ZSWIM4: variants seen among roughly 807,000 people sequenced by gnomAD.
The protein encoded by ZSWIM4 is zinc finger SWIM-type containing 4.
A neutral mutation model predicts 102.5 loss-of-function variants in ZSWIM4; 62 were observed. The ratio of observed to expected loss-of-function variants is 0.60; its 90% CI spans 0.49 to 0.75. The LOEUF is 0.75. Ranked by LOEUF, ZSWIM4 falls within the 30% of genes least tolerant of loss-of-function variation. The pLI is 0.00. For synonymous variants in ZSWIM4, 652 were observed against 674.5 expected (o/e 0.97, Z 0.52); for missense variants, 1,280 against 1,529.6 (o/e 0.84, Z 2.72).
chr19:13,801,643 T>G (rs999549319), intron 2 of ZSWIM4, among the ~76,000 whole-genome samples: 1 of 150,414 alleles, frequency 6.6e-6, no homozygotes, highest in Non-Finnish European at 1.5e-5. Context: ...AGGGCTGAGG[T>G]GGGAATGTAG....
chr19:13,821,026 G>A (rs1975448158), intron 10 of ZSWIM4, among the ~76,000 whole-genome samples: 1 of 152,136 alleles, frequency 6.6e-6, no homozygotes, highest in Non-Finnish European at 1.5e-5. Flanking sequence ...GCTCATGCCT[G>A]TAATCCCAGC....
Position 13,817,202 on chromosome 19 carries a change from C to A in ZSWIM4, c.1532-14C>A. 1 of 1,604,306 alleles carries A rather than the reference C, an allele frequency of 6.2e-7. No individual in the cohort carries two copies. The highest frequency in any genetic ancestry group is 1.3e-5 in the African/African-American group (1 of 74,886). On this transcript the variant is annotated splice_polypyrimidine_tract_variant and intron_variant, in intron 7 of 13. Coordinates refer to ENST00000590508, the MANE Select transcript of ZSWIM4 (RefSeq NM_001367834.3). ...CAGGTGTGTGGGCATTGAGCCCCCTCTTTCCACCTGCAGAGCTGCTCCAGA... is the reference window on the plus strand; with the variant it reads ...CAGGTGTGTGGGCATTGAGCCCCCTATTTCCACCTGCAGAGCTGCTCCAGA...
intron 5 of ZSWIM4, among the ~76,000 whole-genome samples, chr19:13,810,402 C>T (rs1223850151): frequency 6.6e-6 from 1 of 151,870 alleles, no homozygotes. Context: ...AAATGATTCT[C>T]CTGCCTTAGC....
rs1211961467 is a variant in ZSWIM4, at chr19:13,825,579, G to C, written c.2245G>C (p.Gly749Arg). 6 of 1,614,026 alleles carry C rather than the reference G, an allele frequency of 3.7e-6. No individual in the cohort carries two copies. The highest frequency in any genetic ancestry group is 5.1e-6 in the Non-Finnish European group (6 of 1,180,030). Residue 749 changes from glycine to arginine, a missense_variant, in exon 12 of 14, where the codon GGC becomes CGC. Transcript: ENST00000590508. The surrounding 1 kb of genome is among the most constrained non-coding windows in gnomAD (Gnocchi z 4.6). ...CCCCAAGTGGCTGCACACGGTACTGGGCTCCATCCAGCAGAACATCCACTC... is the reference window on the plus strand; with the variant it reads ...CCCCAAGTGGCTGCACACGGTACTGCGCTCCATCCAGCAGAACATCCACTC... Reference protein sequence around the residue: ...GDPKWLHTVLGSIQQNIHSPA... With the variant: ...GDPKWLHTVLRSIQQNIHSPA...
chr19:13,830,762 C>T lies in ZSWIM4; in HGVS notation c.3033C>T (p.Gly1011=). 1.2e-6 allele frequency: 2 copies of T among 1,607,398 alleles called. No individual in the cohort carries two copies. The highest frequency in any genetic ancestry group is 1.7e-6 in the Non-Finnish European group (2 of 1,177,084). ...RRWTLSAPGL[G]PLGARRAAKP... is the part of the protein sequence containing the mutation. Reference sequence around the variant, plus strand: ...GGACTCTCTCGGCGCCCGGTCTGGGCCCCTTAGGGGCACGCCGGGCCGCCA... The same window carrying T: ...GGACTCTCTCGGCGCCCGGTCTGGGTCCCTTAGGGGCACGCCGGGCCGCCA... The change falls in exon 14 of 14, where the codon GGC becomes GGT. Residue 1011 remains glycine, a synonymous_variant. Transcript: ENST00000590508.
At chr19:13,808,586 A>C (rs1196738493) in intron 3 of ZSWIM4, among the ~76,000 whole-genome samples, 4 of 152,058 alleles carry the variant, frequency 2.6e-5, no homozygotes, top group Admixed American at 6.6e-5. Context: ...AAATACAAAA[A>C]AAATTGGCAA....
chr19:13,807,774 G>C (rs1368370756), intron 3 of ZSWIM4, among the ~76,000 whole-genome samples: 1 of 149,768 alleles, frequency 6.7e-6, no homozygotes, highest in African/African-American at 2.5e-5. Flanking sequence ...TGGATGGATG[G>C]ATGGATGGAT....
intron 11 of ZSWIM4, among the ~76,000 whole-genome samples, chr19:13,823,859 A>G (rs909627444): frequency 6.6e-6 from 1 of 152,218 alleles, no homozygotes; most frequent in African/African-American, 2.4e-5. Flanking sequence ...TGCTGTAACA[A>G]AACACCAGAG....
At chr19:13,812,431 C>T (rs1299559250) in intron 5 of ZSWIM4, among the ~76,000 whole-genome samples, 1 of 149,684 alleles carries the variant, frequency 6.7e-6, no homozygotes, top group East Asian at 2.0e-4. Context: ...GTAGCTAGGA[C>T]TACAGAGGCC....
At chr19:13,824,440 T>C (rs1011909548) in intron 11 of ZSWIM4, among the ~76,000 whole-genome samples, 4 of 151,692 alleles carry the variant, frequency 2.6e-5, no homozygotes, top group Non-Finnish European at 4.4e-5. Context: ...CTACTAAAAA[T>C]GCAAAAATTA....
rs1250829670 is a variant in ZSWIM4 at position 13,809,072 on chromosome 19, G to C, written c.864G>C (p.Val288=). 6.2e-7 allele frequency: 1 copy of C among 1,612,530 alleles called. No individual in the cohort carries two copies. Among genetic ancestry groups the C allele is most frequent in the East Asian group, 2.2e-5 (1 of 44,842 alleles). Residue 288 remains valine (V), a splice_region_variant and synonymous_variant, in exon 5 of 14, where the codon GTG becomes GTC. Coordinates refer to ENST00000590508, the MANE Select transcript of ZSWIM4 (RefSeq NM_001367834.3). The surrounding 1 kb of genome is among the most constrained non-coding windows in gnomAD (Gnocchi z 4.2). ...TCACCACCCTGTCCCCGGCACAGGT[G>C]CGGGAGATGCTGCGAATGCGGGACT... ...SQQLRSMFSK[V]REMLRMRDSN...
chr19:13,809,144 G>T lies in ZSWIM4; in HGVS notation c.936G>T (p.Gln312His), dbSNP rs1164336270. The T allele has an allele frequency of 6.2e-7, 1 of 1,613,798 alleles. No homozygotes were observed. The change falls in exon 5 of 14, where the codon CAG becomes CAT. Residue 312 changes from glutamine (Q) to histidine (H), a missense_variant. Coordinates refer to ENST00000590508, the MANE Select transcript of ZSWIM4 (RefSeq NM_001367834.3). The surrounding 1 kb of genome is among the most constrained non-coding windows in gnomAD (Gnocchi z 4.2). ...MLILMTEQFL[Q>H]DTRLALWRQQ... ...TTCTCATGACCGAGCAGTTCCTGCA[G>T]GACACGCGCCTGGCCCTGTGGCGGC...
In ZSWIM4 at chr19:13,825,654, C is replaced by T. The variant is rs776218654; in HGVS notation, c.2320C>T (p.Pro774Ser). Reference protein sequence around the residue: ...LAQDACKTATPVSAPPDTTLL... With the variant: ...LAQDACKTATSVSAPPDTTLL... ...GCAGGACGCCTGCAAGACAGCCACC[C>T]CGGTCAGCGCCCCACCAGACACCAC... Residue 774 changes from proline to serine, a missense_variant, in exon 12 of 14, where the codon CCG becomes TCG. Physicochemically the swap from Pro to Ser is moderately conservative, Grantham distance 74. Coordinates refer to ENST00000590508, the MANE Select transcript of ZSWIM4 (RefSeq NM_001367834.3). This position sits in a 1 kb window ranked among gnomAD's most constrained non-coding sequence, Gnocchi z 4.6. 2.5e-6 allele frequency: 4 copies of T among 1,613,580 alleles called. No individual in the cohort carries two copies. The highest frequency in any genetic ancestry group is 3.4e-6 in the Non-Finnish European group (4 of 1,180,024).
Position 13,825,852 on chromosome 19 carries a change from G to A in ZSWIM4, c.2379+139G>A. 5 of 1,216,262 alleles carry A rather than the reference G, an allele frequency of 4.1e-6. No individual in the cohort carries two copies. The highest frequency in any genetic ancestry group is 5.6e-6 in the Non-Finnish European group (5 of 892,962). 75.3% of individuals were successfully genotyped at this position (1,216,262 alleles called of 1,614,324 possible). On this transcript the variant is annotated intron_variant, in intron 12 of 13. Coordinates refer to ENST00000590508, the MANE Select transcript of ZSWIM4 (RefSeq NM_001367834.3). The surrounding 1 kb of genome is among the most constrained non-coding windows in gnomAD (Gnocchi z 4.6). ...GCATTTGCGTGAGCTATTCCTCTGT[G>A]GCTGGGGACTGAGCGAGAACCACTC...
intron 3 of ZSWIM4, 94 bp from the exon 4 acceptor site, chr19:13,808,740 CAA>C (rs755959483): frequency 0.1 from 82,335 of 795,052 alleles, 67 homozygotes; most frequent in South Asian, 0.12. Context: ...ACTCCGTCTC[CAA>C]AAAAAAAAAA....
intron 2 of ZSWIM4, among the ~76,000 whole-genome samples, chr19:13,801,579 G>A (rs892624528): frequency 6.6e-6 from 1 of 152,158 alleles, no homozygotes; most frequent in African/African-American, 2.4e-5. Context: ...AGAGAGGCTG[G>A]GATTTCAAAG....
intron 3 of ZSWIM4, 21 bp downstream of exon 3, chr19:13,805,169 C>G: frequency 1.3e-6 from 2 of 1,580,722 alleles, no homozygotes; most frequent in East Asian, 2.2e-5. Flanking sequence ...CCCGGGGGTC[C>G]GGTGGGGAGA....
intron 5 of ZSWIM4, among the ~76,000 whole-genome samples, chr19:13,812,623 CTTT>C (rs545020943): frequency 2.3e-5 from 3 of 130,372 alleles, no homozygotes; most frequent in Non-Finnish European, 1.7e-5. Context: ...TCATGCCTGG[CTTT>C]TTTTTTTTTT....
intron 7 of ZSWIM4, among the ~76,000 whole-genome samples, chr19:13,816,550 C>T (rs781366081): frequency 6.6e-6 from 1 of 152,040 alleles, no homozygotes; most frequent in Non-Finnish European, 1.5e-5. Flanking sequence ...TCCCTTGAAC[C>T]GGGAGGTACC....
Sources: gnomAD v4.1 joint callset for allele counts (sites outside exome capture counted in the v4.1 genomes callset) on GRCh38, gnomAD v4.1.1 for gene constraint, Gnocchi (gnomAD v3.1) non-coding constraint, MANE v1.5 for transcripts, NCBI Gene and HGNC (gene_info 2026-07-23, HGNC 2026-07-21) for gene names.